GLDN: variants seen among roughly 807,000 people sequenced by gnomAD.
GLDN encodes the protein gliomedin, also known as collomin.
GLDN carries 47 observed loss-of-function variants against 56.5 expected under a neutral mutation model. That is an observed-to-expected ratio of 0.83 (90% CI 0.66 to 1.06). The LOEUF is 1.06. Among genes scored for constraint, GLDN ranks in the 50% least tolerant of loss-of-function variants. The probability of loss-of-function intolerance (pLI) is 0.00; values close to 1 mark genes in which losing one functional copy is unlikely to be tolerated. For synonymous variants in GLDN, 332 were observed against 278.8 expected (o/e 1.19, Z -1.90); for missense variants, 782 against 714.3 (o/e 1.09, Z -1.08).
At chr15:51,364,820 G>A (rs2037368733) in intron 1 of GLDN, among the ~76,000 whole-genome samples, 1 of 151,998 alleles carries the variant, frequency 6.6e-6, no homozygotes, top group Admixed American at 6.6e-5. Flanking sequence ...TTGACTGTTA[G>A]ACATTGTGAA....
rs564214813 is a variant in GLDN at position 51,376,792 on chromosome 15, A to G, written c.364-657A>G. On this transcript the variant is annotated intron_variant, in intron 1 of 9. Coordinates refer to ENST00000335449, the MANE Select transcript of GLDN (RefSeq NM_181789.4). ...CTCACACATTAGCCTAGGCCTACACAGGGTCAGGATCATCAATATCACTGT... is the reference window on the plus strand; with the variant it reads ...CTCACACATTAGCCTAGGCCTACACGGGGTCAGGATCATCAATATCACTGT... Among the ~76,000 whole-genome samples, 15 of 152,310 alleles carry G rather than the reference A, an allele frequency of 9.8e-5. No individual in the cohort carries two copies. In the East Asian group the frequency reaches 2.9e-3, roughly 29 times the overall value.
At chr15:51,412,225 A>G (rs1309423902), downstream of GLDN, among the ~76,000 whole-genome samples, 2 of 152,242 alleles carry the variant, frequency 1.3e-5, no homozygotes, top group Non-Finnish European at 2.9e-5. Context: ...TGGGATTCAA[A>G]TTCAGGCAGT....
At chr15:51,372,219 G>A (rs1402911806) in intron 1 of GLDN, among the ~76,000 whole-genome samples, 1 of 152,102 alleles carries the variant, frequency 6.6e-6, no homozygotes, top group Non-Finnish European at 1.5e-5. Context: ...CATTCTTGAG[G>A]GCAGAGCCCT....
At chr15:51,382,719 CTG>C (rs1420031199) in intron 2 of GLDN, among the ~76,000 whole-genome samples, 3 of 144,340 alleles carry the variant, frequency 2.1e-5, no homozygotes, top group African/African-American at 8.1e-5. Flanking sequence ...GAGCAAGACT[CTG>C]TCTCCAAAAA....
chr15:51,357,421 T>G (rs74016727), intron 1 of GLDN, among the ~76,000 whole-genome samples: 1 of 152,224 alleles, frequency 6.6e-6, no homozygotes, highest in African/African-American at 2.4e-5. Context: ...TGGACCCCTT[T>G]CACTTGCTAT....
At chr15:51,389,409 A>G (rs1436702830) in intron 4 of GLDN, among the ~76,000 whole-genome samples, 1 of 152,224 alleles carries the variant, frequency 6.6e-6, no homozygotes, top group African/African-American at 2.4e-5. Context: ...GAAAGAGAAG[A>G]TATATCGTGC....
At chr15:51,362,578 C>A (rs1331892817) in intron 1 of GLDN, among the ~76,000 whole-genome samples, 1 of 151,446 alleles carries the variant, frequency 6.6e-6, no homozygotes, top group Non-Finnish European at 1.5e-5. Flanking sequence ...TCATGTAGAG[C>A]CTTGAAAGCT....
At chr15:51,359,133 T>A (rs890375717) in intron 1 of GLDN, among the ~76,000 whole-genome samples, 1 of 152,146 alleles carries the variant, frequency 6.6e-6, no homozygotes, top group Non-Finnish European at 1.5e-5. Context: ...AAGCCACCAA[T>A]GGCCCTCAAT....
Position 51,342,059 on chromosome 15 carries a change from C to A in GLDN, c.363+12C>A. 1.3e-6 allele frequency: 2 copies of A among 1,589,384 alleles called. No homozygotes were observed. Among genetic ancestry groups the A allele is most frequent in the South Asian group, 1.1e-5 (1 of 89,930 alleles). On this transcript the variant is annotated intron_variant, in intron 1 of 9. Coordinates refer to ENST00000335449, the MANE Select transcript of GLDN (RefSeq NM_181789.4). The stretch of plus-strand genomic sequence containing the variant: ...ACTCCATGGTGCCGGTAGGCGGGGT[C>A]TCTGTTCCCCGTGGCGCCCCGGCCA...
intron 1 of GLDN, chr15:51,367,253 C>G (rs1471837753): frequency 6.6e-6 from 1 of 152,220 alleles, no homozygotes; most frequent in Non-Finnish European, 1.5e-5. Context: ...TTCAGATGTT[C>G]CCAATGCTAA....
chr15:51,365,897 C>G (rs1186415517), intron 1 of GLDN, among the ~76,000 whole-genome samples: 3 of 152,194 alleles, frequency 2.0e-5, no homozygotes, highest in Non-Finnish European at 4.4e-5. Flanking sequence ...TGAAAGCTAT[C>G]CTGTTACATT....
chr15:51,354,343 G>C (rs942474762), intron 1 of GLDN, among the ~76,000 whole-genome samples: 1 of 152,112 alleles, frequency 6.6e-6, no homozygotes, highest in Non-Finnish European at 1.5e-5. Context: ...GTTGGAGTCT[G>C]GTATCCTTTT....
chr15:51,413,054 T>C, the GLDN span, among the ~76,000 whole-genome samples: 12 of 152,364 alleles, frequency 7.9e-5, no homozygotes, highest in East Asian at 1.5e-3. Flanking sequence ...TCTACCACCT[T>C]GTTATTGCTT....
chr15:51,355,838 T>G (rs2037171437), intron 1 of GLDN, among the ~76,000 whole-genome samples: 1 of 150,480 alleles, frequency 6.6e-6, no homozygotes, highest in African/African-American at 2.4e-5. Flanking sequence ...GCATGCTGTT[T>G]TATCAGCAAG....
rs1284054869 is a variant in GLDN at position 51,391,695 on chromosome 15, G to C, written c.542-3140G>C. Among the ~76,000 whole-genome samples, 3 of 152,178 alleles carry C rather than the reference G, an allele frequency of 2.0e-5. No homozygotes were observed. In the East Asian group the frequency reaches 5.8e-4, roughly 29 times the overall value. Reference sequence around the variant, plus strand: ...GAGGAGTCAATGCAATGGGATTTTGGTGCTATTGTGAGGGAGGTATTACAA... The same window carrying C: ...GAGGAGTCAATGCAATGGGATTTTGCTGCTATTGTGAGGGAGGTATTACAA... On this transcript the variant is annotated intron_variant, in intron 4 of 9. Transcript: ENST00000335449.
chr15:51,382,675 G>A (rs1240057441), intron 2 of GLDN, among the ~76,000 whole-genome samples: 1 of 150,298 alleles, frequency 6.7e-6, no homozygotes, highest in Non-Finnish European at 1.5e-5. Flanking sequence ...GCAGTGAGCC[G>A]AGATGGTGCC....
rs887819209 is a variant in GLDN at position 51,341,986 on chromosome 15, C to T, written c.302C>T (p.Ala101Val). 5 of 1,597,644 alleles carry T rather than the reference C, an allele frequency of 3.1e-6. No homozygotes were observed. Among genetic ancestry groups the T allele is most frequent in the Non-Finnish European group, 4.2e-6 (5 of 1,179,524 alleles). Residue 101 changes from alanine to valine, a missense_variant, in exon 1 of 10, where the codon GCG becomes GTG. Coordinates refer to ENST00000335449, the MANE Select transcript of GLDN (RefSeq NM_181789.4). ...RNKRSHSGEP[A>V]PHIRAESHDM... Reference sequence around the variant, plus strand: ...AAGCGCAGCCACAGCGGCGAGCCCGCGCCGCATATCCGCGCCGAGAGCCAT... The same window carrying T: ...AAGCGCAGCCACAGCGGCGAGCCCGTGCCGCATATCCGCGCCGAGAGCCAT...
chr15:51,346,524 A>G (rs60766173), intron 1 of GLDN, among the ~76,000 whole-genome samples: 6,774 of 152,346 alleles, frequency 0.044, 159 homozygotes, highest in East Asian at 0.074. Context: ...CACAATGTGT[A>G]TAACAAGCTC....
downstream of GLDN, among the ~76,000 whole-genome samples, chr15:51,408,642 G>A (rs997487346): frequency 6.6e-6 from 1 of 152,070 alleles, no homozygotes; most frequent in Non-Finnish European, 1.5e-5. Context: ...CCACCAACTC[G>A]TCATTTACAT....
Sources: allele counts gnomAD v4.1 joint callset (sites outside exome capture counted in the v4.1 genomes callset), GRCh38; gene constraint gnomAD v4.1.1; transcripts MANE v1.5; gene names NCBI Gene and HGNC (gene_info 2026-07-23, HGNC 2026-07-21).